CDH13: variants seen among roughly 807,000 people sequenced by gnomAD.
CDH13 encodes cadherin 13.
In CDH13, 24 loss-of-function variants were observed where a neutral mutation model predicts 63.8. That is an observed-to-expected ratio of 0.38 (90% CI 0.27 to 0.53). CDH13 has a LOEUF of 0.53. CDH13 is among the 20% of genes least tolerant of loss of function. The pLI, the probability that CDH13 is intolerant of heterozygous loss-of-function variation, is 0.85. For missense variants in CDH13, 1,049 were observed against 903.1 expected (o/e 1.16, Z -2.07); for synonymous variants, 503 against 355.3 (o/e 1.42, Z -4.67).
chr16:83,754,981 A>G (rs1305834658), intron 11 of CDH13, among the ~76,000 whole-genome samples: 5 of 152,158 alleles, frequency 3.3e-5, no homozygotes, highest in Non-Finnish European at 7.3e-5. Context: ...TGACCTGTAA[A>G]GAAGCAAGAA....
intron 7 of CDH13, among the ~76,000 whole-genome samples, chr16:83,583,758 A>C (rs1442870987): frequency 6.6e-6 from 1 of 151,764 alleles, no homozygotes; most frequent in East Asian, 2.0e-4. Flanking sequence ...AAATACTAAA[A>C]AGAAAAAAAA....
intron 4 of CDH13, among the ~76,000 whole-genome samples, chr16:83,130,525 C>A (rs1597387358): frequency 6.6e-6 from 1 of 152,118 alleles, no homozygotes; most frequent in East Asian, 1.9e-4. Context: ...AGGGTTGGAT[C>A]AATAGATCGA....
intron 5 of CDH13, among the ~76,000 whole-genome samples, chr16:83,252,823 C>T (rs973416577): frequency 6.6e-6 from 1 of 151,994 alleles, no homozygotes; most frequent in Non-Finnish European, 1.5e-5. Flanking sequence ...ATTTCCTAGC[C>T]CCAAAAATCC....
intron 1 of CDH13, among the ~76,000 whole-genome samples, chr16:82,845,765 T>C (rs1475765473): frequency 6.6e-6 from 1 of 152,152 alleles, no homozygotes; most frequent in African/African-American, 2.4e-5. Context: ...CTAATTTAAT[T>C]ACAAAAAATT....
At chr16:82,680,063 C>G (rs754244866) in intron 1 of CDH13, among the ~76,000 whole-genome samples, 2 of 152,172 alleles carry the variant, frequency 1.3e-5, no homozygotes, top group Non-Finnish European at 2.9e-5. Flanking sequence ...TCCCTATCCA[C>G]TCTCATCCCT....
At position 82,940,571 on chromosome 16, in the gene CDH13, G is replaced by A. The variant is rs73592372; in HGVS notation, c.157+82098G>A. Among the ~76,000 whole-genome samples the A allele has an allele frequency of 2.9e-3, 440 of 152,278 alleles. 3 individuals are homozygous for A. The highest frequency in any genetic ancestry group is 0.01 in the African/African-American group (426 of 41,556). The stretch of plus-strand genomic sequence containing the variant: ...AGGTAAAGTTGGCAAAGCAAGGAGA[G>A]CTGGATTCTTCTTACCTGCTTCACC... On this transcript the variant is annotated intron_variant, in intron 2 of 13. Transcript: ENST00000567109.
intron 6 of CDH13, among the ~76,000 whole-genome samples, chr16:83,407,097 T>G (rs1361041821): frequency 2.0e-5 from 3 of 152,216 alleles, no homozygotes; most frequent in African/African-American, 7.2e-5. Context: ...CAGATAATTT[T>G]GAGCGCCTAC....
At chr16:83,076,115 A>T (rs2032816226) in intron 3 of CDH13, among the ~76,000 whole-genome samples, 1 of 152,206 alleles carries the variant, frequency 6.6e-6, no homozygotes, top group African/African-American at 2.4e-5. Context: ...AAGGAAAAAA[A>T]AGTAAATGAG....
rs114285421 is a variant in CDH13 at position 83,689,028 on chromosome 16, G to A, written c.1538+10567G>A. Among the ~76,000 whole-genome samples, 1,014 of 152,230 alleles carry A rather than the reference G, an allele frequency of 6.7e-3. 11 individuals are homozygous for A. Among genetic ancestry groups the A allele is most frequent in the African/African-American group, 0.023 (939 of 41,526 alleles). ...TTTGGCTAATATGAAACATCTGGCCGTTTGGGTAAATGGATGAAAGGCTAT... is the reference window on the plus strand; with the variant it reads ...TTTGGCTAATATGAAACATCTGGCCATTTGGGTAAATGGATGAAAGGCTAT... On this transcript the variant is annotated intron_variant, in intron 10 of 13. Transcript: ENST00000567109.
chr16:83,159,504 G>GT (rs1395009601), intron 4 of CDH13, among the ~76,000 whole-genome samples: 6 of 152,118 alleles, frequency 3.9e-5, no homozygotes, highest in African/African-American at 1.4e-4. Context: ...AGATAAATAG[G>GT]TTGTTGGAGA....
At chr16:83,193,669 T>C (rs1727731695) in intron 4 of CDH13, among the ~76,000 whole-genome samples, 2 of 152,238 alleles carry the variant, frequency 1.3e-5, no homozygotes, top group Non-Finnish European at 2.9e-5. Flanking sequence ...TGTTGACTTA[T>C]CGTTACATCT....
intron 7 of CDH13, among the ~76,000 whole-genome samples, chr16:83,592,903 C>A (rs192979128): frequency 6.9e-4 from 105 of 152,298 alleles, no homozygotes; most frequent in Middle Eastern, 3.4e-3. Context: ...ACCCTGCTGC[C>A]TGGGAAGATG....
chr16:82,758,110 G>A (rs185544442), intron 1 of CDH13, among the ~76,000 whole-genome samples: 20 of 152,212 alleles, frequency 1.3e-4, no homozygotes, highest in African/African-American at 4.1e-4. Flanking sequence ...CATTGAGTAT[G>A]TAGTCTCCAA....
At chr16:83,313,643 T>TA (rs59109363) in intron 5 of CDH13, among the ~76,000 whole-genome samples, 11,647 of 89,616 alleles carry the variant, frequency 0.13, 644 homozygotes, top group Middle Eastern at 0.15. Context: ...CTTACCATTG[T>TA]AAAAAAAAAA....
At chr16:83,027,130 A>T (rs904407704) in intron 2 of CDH13, among the ~76,000 whole-genome samples, 12 of 102,228 alleles carry the variant, frequency 1.2e-4, no homozygotes, top group African/African-American at 3.8e-4. Context: ...CCCGCCTCCA[A>T]TCCTCTACCA....
chr16:82,810,940 A>G (rs578064318), intron 1 of CDH13, among the ~76,000 whole-genome samples: 14 of 152,146 alleles, frequency 9.2e-5, no homozygotes, highest in African/African-American at 3.1e-4. Context: ...GAGAACAGCA[A>G]TGGTTCTTAG....
At chr16:82,760,061 T>C (rs780217589) in intron 1 of CDH13, among the ~76,000 whole-genome samples, 1 of 152,216 alleles carries the variant, frequency 6.6e-6, no homozygotes, top group Non-Finnish European at 1.5e-5. Flanking sequence ...AGCATTCTAC[T>C]CTAATCTTGT....
At chr16:82,755,851 T>G (rs1048888144) in intron 1 of CDH13, among the ~76,000 whole-genome samples, 1 of 152,224 alleles carries the variant, frequency 6.6e-6, no homozygotes, top group Non-Finnish European at 1.5e-5. Flanking sequence ...ATATTCATCA[T>G]GTCAAAATGG....
At chr16:83,447,096 CT>C (rs750432481) in intron 6 of CDH13, among the ~76,000 whole-genome samples, 155 of 41,504 alleles carry the variant, frequency 3.7e-3, no homozygotes, top group South Asian at 0.012. Context: ...TTATAGTAAC[CT>C]TTTTTTTTTT....
Sources: gnomAD v4.1 joint callset for allele counts (sites outside exome capture counted in the v4.1 genomes callset) on GRCh38, gnomAD v4.1.1 for gene constraint, MANE v1.5 for transcripts, NCBI Gene and HGNC (gene_info 2026-07-23, HGNC 2026-07-21) for gene names.